Variants in MYO1E observed in about 807,000 individuals in gnomAD.
MYO1E encodes myosin IE.
Under a neutral mutation model 151.1 loss-of-function variants are expected in MYO1E, and 68 were observed. The ratio of observed to expected loss-of-function variants is 0.45; its 90% CI spans 0.37 to 0.55. The LOEUF (loss-of-function observed/expected upper bound fraction) is 0.55, where lower values mean the gene tolerates loss of function less well. MYO1E is among the 20% of genes least tolerant of loss of function. MYO1E has a pLI of 0.00. For missense variants in MYO1E, 1,363 were observed against 1,389.3 expected, an observed-to-expected ratio of 0.98 and a Z score of 0.30; for synonymous variants, 601 against 501.7, an observed-to-expected ratio of 1.20 and a Z score of -2.64.
At chr15:59,314,544 T>C (rs1203673965) in intron 1 of MYO1E, among the ~76,000 whole-genome samples, 2 of 152,142 alleles carry the variant, frequency 1.3e-5, no homozygotes, top group African/African-American at 4.8e-5. Context: ...CCAAGTGATC[T>C]CACTCCCAGA....
At position 59,272,375 on chromosome 15, in the gene MYO1E, T is replaced by G. The variant is rs556498836; in HGVS notation, c.78A>C (p.Leu26=). The G allele has an allele frequency of 6.2e-7, 1 of 1,614,014 alleles. No homozygotes were observed. Among genetic ancestry groups the G allele is most frequent in the South Asian group, 1.1e-5 (1 of 91,076 alleles). The change falls in exon 2 of 28, where the codon CTA becomes CTC. Residue 26 remains leucine (L), a synonymous_variant. Coordinates refer to ENST00000288235, the MANE Select transcript of MYO1E (RefSeq NM_004998.4). ...VKHSGVDDMV[L]LSKITENSIV... is the part of the protein sequence containing the mutation. Reference sequence around the variant, plus strand: ...TGGAGTTCTCTGTGATCTTGGACAGTAGCACCATGTCGTCCACACCACTGT... The same window carrying G: ...TGGAGTTCTCTGTGATCTTGGACAGGAGCACCATGTCGTCCACACCACTGT...
intron 4 of MYO1E, among the ~76,000 whole-genome samples, chr15:59,243,099 CTTT>C (rs3985715): frequency 1.5e-5 from 2 of 133,454 alleles, no homozygotes; most frequent in African/African-American, 5.6e-5. Context: ...TTAGACCCTG[CTTT>C]TTTTTTTTTT....
intron 1 of MYO1E, among the ~76,000 whole-genome samples, chr15:59,301,420 G>C (rs181718167): frequency 8.4e-4 from 128 of 152,262 alleles, no homozygotes; most frequent in African/African-American, 2.9e-3. Context: ...AGTCTGCTGG[G>C]AGCAGGAACA....
intron 26 of MYO1E, among the ~76,000 whole-genome samples, chr15:59,139,794 C>T (rs181396822): frequency 1.1e-3 from 173 of 151,650 alleles, no homozygotes; most frequent in Middle Eastern, 6.8e-3. Flanking sequence ...TCCCTCCGAC[C>T]TGCTCATTAT....
intron 4 of MYO1E, among the ~76,000 whole-genome samples, chr15:59,250,463 A>C (rs1220228100): frequency 6.6e-6 from 1 of 152,138 alleles, no homozygotes; most frequent in African/African-American, 2.4e-5. Flanking sequence ...CCACAGGGAG[A>C]GGAAAACCAG....
intron 1 of MYO1E, among the ~76,000 whole-genome samples, chr15:59,300,434 A>T (rs529491456): frequency 9.2e-5 from 14 of 152,292 alleles, no homozygotes; most frequent in African/African-American, 3.1e-4. Flanking sequence ...AGATACTTCT[A>T]GAGGCTTAGA....
At chr15:59,158,093 A>G (rs1256085946) in intron 25 of MYO1E, among the ~76,000 whole-genome samples, 194 bp downstream of exon 25, 1 of 152,256 alleles carries the variant, frequency 6.6e-6, no homozygotes, top group Non-Finnish European at 1.5e-5. Context: ...GCCGCAGTTC[A>G]GTCTCACTGA....
intron 1 of MYO1E, among the ~76,000 whole-genome samples, chr15:59,322,631 C>T (rs1299439158): frequency 6.6e-6 from 1 of 152,126 alleles, no homozygotes; most frequent in East Asian, 1.9e-4. Context: ...GTCCTGCTTA[C>T]CTGGCTATTT....
chr15:59,181,060 C>T (rs1367257089), intron 18 of MYO1E, among the ~76,000 whole-genome samples: 2 of 152,112 alleles, frequency 1.3e-5, no homozygotes, highest in Non-Finnish European at 2.9e-5. Context: ...GCTGCTGGCA[C>T]TTGAGATTAA....
chr15:59,347,308 T>C (rs1211769731), intron 1 of MYO1E, among the ~76,000 whole-genome samples: 1 of 152,142 alleles, frequency 6.6e-6, no homozygotes, highest in Non-Finnish European at 1.5e-5. Flanking sequence ...TTATCTGAGG[T>C]GGAACAGTTT....
chr15:59,155,824 G>C (rs1445811638), intron 25 of MYO1E, among the ~76,000 whole-genome samples: 1 of 149,178 alleles, frequency 6.7e-6, no homozygotes, highest in Non-Finnish European at 1.5e-5. Context: ...GCATGCAATG[G>C]TGAGATTCCA....
At chr15:59,250,351 G>T (rs751047601) in intron 4 of MYO1E, among the ~76,000 whole-genome samples, 20 of 152,162 alleles carry the variant, frequency 1.3e-4, no homozygotes, top group Non-Finnish European at 2.5e-4. Flanking sequence ...GGCGGTGCGT[G>T]ATCGAGGCCA....
At chr15:59,216,660 GTA>G (rs1252595677) in intron 10 of MYO1E, among the ~76,000 whole-genome samples, 1 of 20,268 alleles carries the variant, frequency 4.9e-5, no homozygotes, top group Non-Finnish European at 1.3e-4. Flanking sequence ...GTGTGTGTGT[GTA>G]TGTGTATATA....
intron 1 of MYO1E, among the ~76,000 whole-genome samples, chr15:59,343,568 T>G (rs997756189): frequency 6.6e-6 from 1 of 152,194 alleles, no homozygotes; most frequent in Non-Finnish European, 1.5e-5. Context: ...GGAAGTTATC[T>G]TATTATCCCT....
At chr15:59,237,359 T>C (rs550080532) in intron 4 of MYO1E, among the ~76,000 whole-genome samples, 1 of 152,238 alleles carries the variant, frequency 6.6e-6, no homozygotes, top group South Asian at 2.1e-4. Flanking sequence ...ACATCCGGAG[T>C]AACAAAGGCC....
At chr15:59,205,529 T>TAATTTCATTGAACAAAATGC in intron 14 of MYO1E, 44 bp from the exon 15 acceptor site, 1 of 1,526,826 alleles carries the variant, frequency 6.5e-7, no homozygotes, top group Non-Finnish European at 9.1e-7. Context: ...GAACAAAATG[T>TAATTTCATTGAACAAAATGC]AATTAATTGA....
At chr15:59,294,813 A>G (rs1269797946) in intron 1 of MYO1E, among the ~76,000 whole-genome samples, 1 of 152,152 alleles carries the variant, frequency 6.6e-6, no homozygotes, top group African/African-American at 2.4e-5. Context: ...TCCTGCCACC[A>G]GTCTGCCTGG....
intron 1 of MYO1E, among the ~76,000 whole-genome samples, chr15:59,342,025 C>T (rs1469665241): frequency 2.6e-5 from 4 of 152,198 alleles, no homozygotes; most frequent in African/African-American, 9.6e-5. Flanking sequence ...TTCTTCACAT[C>T]CTTGCCAGCA....
At chr15:59,144,388 A>ATC (rs1273151628) in intron 26 of MYO1E, among the ~76,000 whole-genome samples, 10 of 152,042 alleles carry the variant, frequency 6.6e-5, no homozygotes, top group Non-Finnish European at 1.3e-4. Context: ...GCTGGTGTTG[A>ATC]ACTCCTGACC....
Sources: gnomAD v4.1 joint callset for allele counts (sites outside exome capture counted in the v4.1 genomes callset) on GRCh38, gnomAD v4.1.1 for gene constraint, MANE v1.5 for transcripts, NCBI Gene and HGNC (gene_info 2026-07-23, HGNC 2026-07-21) for gene names.